The following PIP4P2 variants were observed in gnomAD, a reference collection of about 807,000 sequenced individuals.
The protein encoded by PIP4P2 is phosphatidylinositol-4,5-bisphosphate 4-phosphatase 2, also known as type 2 phosphatidylinositol 4,5-bisphosphate 4-phosphatase.
PIP4P2 carries 19 observed loss-of-function variants against 33.3 expected under a neutral mutation model. The ratio of observed to expected loss-of-function variants is 0.57; its 90% CI spans 0.40 to 0.84. The LOEUF is 0.84. Ranked by LOEUF, PIP4P2 falls within the 40% of genes least tolerant of loss-of-function variation. The pLI is 0.00. For synonymous variants in PIP4P2, 110 were observed against 111.9 expected (o/e 0.98, Z 0.11); for missense variants, 270 against 324.7 (o/e 0.83, Z 1.29).
intron 2 of PIP4P2, among the ~76,000 whole-genome samples, chr8:91,020,612 A>G (rs1811995122): frequency 6.6e-6 from 1 of 152,208 alleles, no homozygotes; most frequent in Non-Finnish European, 1.5e-5. Context: ...AAACCAGTGT[A>G]TGCTTTACCA....
rs754196713 is a variant in PIP4P2 at position 91,018,372 on chromosome 8, A to C, written c.486+18T>G. The C allele has an allele frequency of 6.2e-7, 1 of 1,613,874 alleles. No individual in the cohort carries two copies. Among genetic ancestry groups the C allele is most frequent in the Non-Finnish European group, 8.5e-7 (1 of 1,179,828 alleles). ...TGACCTATATTTACAGATTAATGAC[A>C]AATGTCCAGTGACTTACCAGGAATG... is the stretch of plus-strand genomic sequence containing the variant. On this transcript the variant is annotated intron_variant, in intron 4 of 6. Transcript: ENST00000285419.
At chr8:91,027,975 T>A (rs1163874133) in intron 1 of PIP4P2, among the ~76,000 whole-genome samples, 3 of 152,100 alleles carry the variant, frequency 2.0e-5, no homozygotes, top group East Asian at 3.9e-4. Context: ...GACCAGACAT[T>A]ACAGTATGAG....
intron 5 of PIP4P2, among the ~76,000 whole-genome samples, chr8:91,004,276 G>C (rs1007388722): frequency 3.3e-5 from 5 of 152,092 alleles, no homozygotes; most frequent in Non-Finnish European, 7.4e-5. Context: ...GGCAGGAAAA[G>C]AGTGTCCAAG....
intron 6 of PIP4P2, 149 bp from the exon 7 acceptor site, chr8:90,995,969 A>C: frequency 6.2e-6 from 5 of 805,882 alleles, no homozygotes; most frequent in Non-Finnish European, 7.4e-6. Flanking sequence ...GTATCTGTTG[A>C]CTGCAACTGA....
chr8:90,996,832 A>G (rs911525040), intron 5 of PIP4P2, 88 bp from the exon 6 acceptor site: 91 of 1,028,816 alleles, frequency 8.8e-5, no homozygotes, highest in Non-Finnish European at 1.2e-4. Context: ...CTATGGCTTT[A>G]GTAATATTAT....
intron 5 of PIP4P2, among the ~76,000 whole-genome samples, chr8:91,003,956 TAGA>T (rs1811733434): frequency 9.0e-6 from 1 of 110,788 alleles, no homozygotes; most frequent in African/African-American, 3.5e-5. Flanking sequence ...AGGAGATAGA[TAGA>T]TAGATAGATA....
chr8:91,016,755 T>C (rs545208061), intron 4 of PIP4P2: 2 of 152,266 alleles, frequency 1.3e-5, no homozygotes, highest in African/African-American at 4.8e-5. Flanking sequence ...GGAATTTTCA[T>C]GATGATGGTG....
intron 5 of PIP4P2, among the ~76,000 whole-genome samples, chr8:91,008,073 T>G (rs1811786020): frequency 6.6e-6 from 1 of 152,184 alleles, no homozygotes; most frequent in Non-Finnish European, 1.5e-5. Flanking sequence ...CTGCTTTGCA[T>G]ACTTTTGCTA....
chr8:91,015,667 G>A (rs1346693718), intron 4 of PIP4P2, among the ~76,000 whole-genome samples: 1 of 152,192 alleles, frequency 6.6e-6, no homozygotes, highest in African/African-American at 2.4e-5. Flanking sequence ...ACACTCGCCA[G>A]CAGTTTTGCC....
At chr8:91,029,544 C>G (rs1332788694) in intron 1 of PIP4P2, among the ~76,000 whole-genome samples, 1 of 152,140 alleles carries the variant, frequency 6.6e-6, no homozygotes, top group Non-Finnish European at 1.5e-5. Flanking sequence ...GACATCCTTC[C>G]TTATTTTCTC....
chr8:91,017,356 G>A (rs975375562), intron 4 of PIP4P2, among the ~76,000 whole-genome samples: 41 of 151,890 alleles, frequency 2.7e-4, no homozygotes, highest in Non-Finnish European at 8.8e-5. Context: ...CTGAGATCAC[G>A]CCACTGTACT....
chr8:91,012,292 A>G (rs1476901230), intron 4 of PIP4P2, among the ~76,000 whole-genome samples: 1 of 151,888 alleles, frequency 6.6e-6, no homozygotes. Context: ...AACTTAGTGT[A>G]TCTTTGTAAC....
intron 4 of PIP4P2, among the ~76,000 whole-genome samples, chr8:91,017,616 C>G (rs1311839461): frequency 6.6e-6 from 1 of 151,988 alleles, no homozygotes; most frequent in Non-Finnish European, 1.5e-5. Flanking sequence ...AAGCAAACCA[C>G]TTATATTTTC....
At chr8:91,011,514 T>C (rs1259933028) in intron 4 of PIP4P2, among the ~76,000 whole-genome samples, 1 of 152,090 alleles carries the variant, frequency 6.6e-6, no homozygotes, top group Non-Finnish European at 1.5e-5. Context: ...AAAAAATGTT[T>C]GGACATACAA....
intron 3 of PIP4P2, among the ~76,000 whole-genome samples, chr8:91,019,822 TC>T (rs1284664567): frequency 6.6e-6 from 1 of 152,102 alleles, no homozygotes; most frequent in Non-Finnish European, 1.5e-5. Context: ...CACCTCAGCC[TC>T]CCAAATTGCT....
At chr8:91,037,522 T>C (rs923406821) in intron 1 of PIP4P2, among the ~76,000 whole-genome samples, 5 of 152,234 alleles carry the variant, frequency 3.3e-5, no homozygotes, top group African/African-American at 7.2e-5. Context: ...ACTGTCTTCA[T>C]CACCATTGCA....
At chr8:91,006,780 C>A (rs936771809) in intron 5 of PIP4P2, among the ~76,000 whole-genome samples, 2 of 152,058 alleles carry the variant, frequency 1.3e-5, no homozygotes, top group Non-Finnish European at 2.9e-5. Flanking sequence ...ACCAGCCTGG[C>A]CAAAATGGTG....
At chr8:91,017,386 G>T (rs1164832616) in intron 4 of PIP4P2, among the ~76,000 whole-genome samples, 2 of 151,880 alleles carry the variant, frequency 1.3e-5, no homozygotes, top group Non-Finnish European at 2.9e-5. Flanking sequence ...GCGACGGAGT[G>T]AGACTTCATC....
chr8:91,012,551 G>A (rs1811853315), intron 4 of PIP4P2, among the ~76,000 whole-genome samples: 1 of 152,098 alleles, frequency 6.6e-6, no homozygotes, highest in Non-Finnish European at 1.5e-5. Context: ...TCCTATAGGT[G>A]TATACAGTGT....
Sources: gnomAD v4.1 joint callset for allele counts (sites outside exome capture counted in the v4.1 genomes callset) on GRCh38, gnomAD v4.1.1 for gene constraint, MANE v1.5 for transcripts, NCBI Gene and HGNC (gene_info 2026-07-23, HGNC 2026-07-21) for gene names.